AOX1: variants seen among roughly 807,000 people sequenced by gnomAD.
AOX1 encodes aldehyde oxidase.
In AOX1, 153 loss-of-function variants were observed where a neutral mutation model predicts 169.5. That is an observed-to-expected ratio of 0.90 (90% CI 0.79 to 1.03). The LOEUF is 1.03. Among genes scored for constraint, AOX1 ranks in the 50% least tolerant of loss-of-function variants. The pLI, the probability that AOX1 is intolerant of heterozygous loss-of-function variation, is 0.00. For synonymous variants in AOX1, 562 were observed against 581.9 expected (o/e 0.97, Z 0.49); for missense variants, 1,656 against 1,663.9 (o/e 1.00, Z 0.08).
At chr2:200,587,761 G>A (rs2034069725) in intron 1 of AOX1, among the ~76,000 whole-genome samples, 3 of 152,118 alleles carry the variant, frequency 2.0e-5, no homozygotes, top group Non-Finnish European at 4.4e-5. Flanking sequence ...GAATGGTATA[G>A]TAAACACAAC....
rs201435669 is a variant in AOX1 at position 200,620,761 on chromosome 2, G to A, written c.1816G>A (p.Val606Met). The change falls in exon 17 of 35, where the codon GTG (valine) becomes ATG (methionine). Residue 606 changes from valine (V) to methionine (M), a missense_variant. Physicochemically the swap from Val to Met is conservative, Grantham distance 21. Transcript: ENST00000374700. Reference protein sequence around the residue: ...EAIYCDDMPLVDQELFLTFVT... With the variant: ...EAIYCDDMPLMDQELFLTFVT... The stretch of plus-strand genomic sequence containing the variant: ...CATCTACTGTGATGACATGCCTCTG[G>A]TGGACCAGGAACTTTTCTTGACTTT... The A allele has an allele frequency of 1.4e-5, 23 of 1,609,636 alleles. No individual in the cohort carries two copies. In the East Asian group the frequency reaches 4.7e-4, roughly 33 times the overall value.
chr2:200,604,900 C>CGGGGGGGGG, intron 9 of AOX1, 60 bp downstream of exon 9: 2 of 1,249,256 alleles, frequency 1.6e-6, no homozygotes, highest in East Asian at 2.6e-5. Flanking sequence ...TGGGATGGGG[C>CGGGGGGGGG]CGGGGTGGGC....
At position 200,644,134 on chromosome 2, in the gene AOX1, T is replaced by C. The variant is rs536492940; in HGVS notation, c.2847+1333T>C. Among the ~76,000 whole-genome samples, 128 of 152,374 alleles carry C rather than the reference T, an allele frequency of 8.4e-4. 2 individuals carry two copies. The highest frequency in any genetic ancestry group is 3.1e-3 in the African/African-American group (127 of 41,598). On this transcript the variant is annotated intron_variant, in intron 25 of 34. Coordinates refer to ENST00000374700, the MANE Select transcript of AOX1 (RefSeq NM_001159.4). ...TTTGAGTTCTTGGTCATGAAATCCTTGCCTAAGCCAATATCTAGAAGGGAT... is the reference window on the plus strand; with the variant it reads ...TTTGAGTTCTTGGTCATGAAATCCTCGCCTAAGCCAATATCTAGAAGGGAT...
intron 23 of AOX1, among the ~76,000 whole-genome samples, chr2:200,638,548 T>G (rs924039959): frequency 1.6e-4 from 25 of 152,222 alleles, no homozygotes; most frequent in African/African-American, 4.6e-4. Context: ...TGGTATTGGC[T>G]GTACAGAGCA....
intron 1 of AOX1, among the ~76,000 whole-genome samples, chr2:200,587,326 G>A (rs1433762368): frequency 6.6e-6 from 1 of 152,126 alleles, no homozygotes; most frequent in Non-Finnish European, 1.5e-5. Flanking sequence ...CCAAGCAAGA[G>A]CAGTGGCACC....
intron 16 of AOX1, among the ~76,000 whole-genome samples, chr2:200,618,876 A>G (rs2034822882): frequency 6.6e-6 from 1 of 152,218 alleles, no homozygotes; most frequent in Non-Finnish European, 1.5e-5. Context: ...TGAAAAGGAA[A>G]TGTGTTAATC....
chr2:200,605,171 C>G (rs1477997796), intron 9 of AOX1, among the ~76,000 whole-genome samples: 1 of 152,156 alleles, frequency 6.6e-6, no homozygotes, highest in African/African-American at 2.4e-5. Context: ...TCAAATTGCT[C>G]TTTGTTTCCT....
intron 10 of AOX1, among the ~76,000 whole-genome samples, chr2:200,606,465 A>T (rs1559235128): frequency 6.6e-6 from 1 of 152,124 alleles, no homozygotes; most frequent in Non-Finnish European, 1.5e-5. Context: ...TTGGCTATAC[A>T]GGCTCTTTTT....
At position 200,597,376 on chromosome 2, in the gene AOX1, C is replaced by T. The variant is rs2034304688; in HGVS notation, c.201-21C>T. On this transcript the variant is annotated intron_variant, in intron 3 of 34. Transcript: ENST00000374700. Reference sequence around the variant, plus strand: ...TATGCGACATAATTTGTAATTTGTGCTTTTCTTTTGCATTCTGAAGGCATC... The same window carrying T: ...TATGCGACATAATTTGTAATTTGTGTTTTTCTTTTGCATTCTGAAGGCATC... The T allele has an allele frequency of 1.9e-6, 3 of 1,564,880 alleles. No individual in the cohort carries two copies. In the South Asian group the frequency reaches 3.5e-5, roughly 18 times the overall value.
intron 23 of AOX1, among the ~76,000 whole-genome samples, chr2:200,640,199 T>C (rs2035327555): frequency 6.6e-6 from 1 of 151,892 alleles, no homozygotes; most frequent in Admixed American, 6.6e-5. Context: ...TGGAAGGTAG[T>C]AAAAAATAGG....
chr2:200,656,792 G>T, intron 26 of AOX1, 50 bp from the exon 27 acceptor site: 1 of 1,288,278 alleles, frequency 7.8e-7, no homozygotes, highest in Non-Finnish European at 1.1e-6. Context: ...GACACGATAT[G>T]TGATAATATC....
chr2:200,642,403 A>G (rs1332381838), intron 24 of AOX1, among the ~76,000 whole-genome samples: 2 of 152,206 alleles, frequency 1.3e-5, no homozygotes, highest in African/African-American at 4.8e-5. Flanking sequence ...AAAAATAAAA[A>G]ATAATGCTCT....
At chr2:200,592,043 G>C (rs978231323) in intron 1 of AOX1, among the ~76,000 whole-genome samples, 1 of 152,062 alleles carries the variant, frequency 6.6e-6, no homozygotes. Flanking sequence ...GCCATTAAAA[G>C]GTTAAGGAAA....
intron 1 of AOX1, among the ~76,000 whole-genome samples, chr2:200,592,883 T>A (rs1212218834): frequency 1.3e-5 from 2 of 152,196 alleles, no homozygotes; most frequent in Admixed American, 6.5e-5. Flanking sequence ...CAGGAGGTAG[T>A]GTTTCTGTTA....
At position 200,638,312 on chromosome 2, in the gene AOX1, A is replaced by G. The variant is rs1446033393; in HGVS notation, c.2568+10A>G. Reference sequence around the variant, plus strand: ...CCTTGGAAAGTACAAAGTGAGTACAAGAGGGCATGGAGGAAGGATTTATGT... The same window carrying G: ...CCTTGGAAAGTACAAAGTGAGTACAGGAGGGCATGGAGGAAGGATTTATGT... On this transcript the variant is annotated intron_variant, in intron 23 of 34. Transcript: ENST00000374700. 7 of 1,611,788 alleles carry G rather than the reference A, an allele frequency of 4.3e-6. No individual in the cohort carries two copies. Among genetic ancestry groups the G allele is most frequent in the Non-Finnish European group, 5.9e-6 (7 of 1,178,042 alleles).
At chr2:200,626,811 T>A (rs2035014352) in intron 19 of AOX1, among the ~76,000 whole-genome samples, 1 of 152,242 alleles carries the variant, frequency 6.6e-6, no homozygotes, top group African/African-American at 2.4e-5. Context: ...ATTGAGTGTT[T>A]ACTATATGCA....
chr2:200,618,209 G>A (rs2034808159), intron 16 of AOX1, among the ~76,000 whole-genome samples: 1 of 152,136 alleles, frequency 6.6e-6, no homozygotes, highest in South Asian at 2.1e-4. Context: ...AGCTGATAAA[G>A]TCAGGATGAC....
chr2:200,611,291 T>C (rs1234176062), intron 12 of AOX1, 93 bp from the exon 13 acceptor site: 1 of 841,188 alleles, frequency 1.2e-6, no homozygotes, highest in Non-Finnish European at 2.0e-6. Flanking sequence ...ACAACCGGTT[T>C]CCTCAGGTAT....
chr2:200,668,791 T>C lies in AOX1; in HGVS notation c.3786T>C (p.Leu1262=). The part of the protein sequence containing the change: ...LLPPSQNSNT[L]YSSKGLGESG... The stretch of plus-strand genomic sequence containing the variant: ...CTCCTTCTCAAAACTCAAATACTCT[T>C]TATTCATCTAAGGTAAGTAATGTTC... The change falls in exon 33 of 35, where the codon CTT becomes CTC. Residue 1262 remains leucine (L), a synonymous_variant. Coordinates refer to ENST00000374700, the MANE Select transcript of AOX1 (RefSeq NM_001159.4). The C allele has an allele frequency of 6.2e-7, 1 of 1,614,042 alleles. No homozygotes were observed. Among genetic ancestry groups the C allele is most frequent in the Non-Finnish European group, 8.5e-7 (1 of 1,179,916 alleles).
Sources: gnomAD v4.1 joint callset for allele counts (sites outside exome capture counted in the v4.1 genomes callset) on GRCh38, gnomAD v4.1.1 for gene constraint, MANE v1.5 for transcripts, NCBI Gene and HGNC (gene_info 2026-07-23, HGNC 2026-07-21) for gene names.